CTNNAL1: variants seen among roughly 807,000 people sequenced by gnomAD.
The protein encoded by CTNNAL1 is alpha-catulin.
In CTNNAL1, 69 loss-of-function variants were observed where a neutral mutation model predicts 93.6. The ratio of observed to expected loss-of-function variants is 0.74; its 90% CI spans 0.61 to 0.90. CTNNAL1 has a LOEUF of 0.90. Among genes scored for constraint, CTNNAL1 ranks in the 40% least tolerant of loss-of-function variants. CTNNAL1 has a pLI of 0.00. For missense variants in CTNNAL1, 836 were observed against 862.0 expected (o/e 0.97, Z 0.38); for synonymous variants, 286 against 305.4 (o/e 0.94, Z 0.66).
At chr9:108,972,864 G>GGGGGGGGGGGCCCCCCCCCCC in intron 8 of CTNNAL1, 31 bp from the exon 9 acceptor site, 22 of 142,408 alleles carry the variant, frequency 1.5e-4, no homozygotes, top group Non-Finnish European at 1.8e-4. Context: ...GGGGGGGTGG[G>GGGGGGGGGGGCCCCCCCCCCC]AGGGTGGAGA....
At chr9:108,944,622 A>G (rs997521828) in intron 15 of CTNNAL1, among the ~76,000 whole-genome samples, 9 of 152,346 alleles carry the variant, frequency 5.9e-5, no homozygotes, top group Admixed American at 6.5e-5. Flanking sequence ...CAGGTAAGAC[A>G]GAAGTATTTA....
chr9:108,988,287 T>C (rs1831677298), intron 4 of CTNNAL1, among the ~76,000 whole-genome samples: 1 of 152,134 alleles, frequency 6.6e-6, no homozygotes, highest in African/African-American at 2.4e-5. Context: ...TTTCATCATG[T>C]TGGCCAGGCT....
At chr9:108,958,082 A>AAC (rs199747103) in intron 11 of CTNNAL1, among the ~76,000 whole-genome samples, 8 of 151,264 alleles carry the variant, frequency 5.3e-5, no homozygotes, top group African/African-American at 1.9e-4. Flanking sequence ...AAAAAAAAAA[A>AAC]AACAAAGTGG....
In CTNNAL1 at chr9:108,942,809, A is replaced by T. The variant is rs1489847205; in HGVS notation, c.2165T>A (p.Val722Asp). ...CATAGTGTCCTTATTTGTAACTGAG[A>T]CCCATCCGTTATTTTCCATCTGAAG... is the stretch of plus-strand genomic sequence containing the variant. ...KKLQMENNGW[V>D]SVTNKDTMDS... Residue 722 changes from valine (V) to aspartate (D), a missense_variant, in exon 19 of 19, where the codon GTC becomes GAC. Val to Asp is a radical substitution (Grantham distance 152, BLOSUM62 -3). Coordinates refer to ENST00000325551, the MANE Select transcript of CTNNAL1 (RefSeq NM_003798.4). The T allele has an allele frequency of 6.2e-7, 1 of 1,613,656 alleles. No homozygotes were observed. Among genetic ancestry groups the T allele is most frequent in the African/African-American group, 1.3e-5 (1 of 75,032 alleles).
At chr9:108,964,910 T>G (rs961101388) in intron 11 of CTNNAL1, among the ~76,000 whole-genome samples, 1 of 152,092 alleles carries the variant, frequency 6.6e-6, no homozygotes, top group Non-Finnish European at 1.5e-5. Flanking sequence ...TCGCCCAGGC[T>G]GGACTGCAGT....
chr9:108,970,327 A>G, intron 10 of CTNNAL1, 75 bp downstream of exon 10: 1 of 1,319,872 alleles, frequency 7.6e-7, no homozygotes, highest in Non-Finnish European at 1.0e-6. Flanking sequence ...AACCATTTAT[A>G]CCTTCCATCC....
intron 17 of CTNNAL1, 91 bp downstream of exon 17, chr9:108,943,612 C>A: frequency 9.5e-7 from 1 of 1,048,148 alleles, no homozygotes; most frequent in Admixed American, 2.9e-5. Flanking sequence ...ATAAATTGCC[C>A]TTCTGTGGGT....
chr9:109,011,586 C>A (rs1379257246), intron 1 of CTNNAL1, among the ~76,000 whole-genome samples: 2 of 152,138 alleles, frequency 1.3e-5, no homozygotes, highest in Non-Finnish European at 2.9e-5. Flanking sequence ...CTTGTTTTTC[C>A]ACTATGTACC....
Position 108,979,486 on chromosome 9 carries a change from G to A in CTNNAL1, c.901-5C>T. On this transcript the variant is annotated splice_region_variant and splice_polypyrimidine_tract_variant and intron_variant, in intron 6 of 18. Transcript: ENST00000325551. ...CCGAAGAGCTTCAATATTCATCTGA[G>A]AACAAAAAGGACATCTATCCATCCA... The A allele has an allele frequency of 6.2e-7, 1 of 1,612,720 alleles. No homozygotes were observed. Among genetic ancestry groups the A allele is most frequent in the Non-Finnish European group, 8.5e-7 (1 of 1,179,432 alleles).
intron 1 of CTNNAL1, 48 bp downstream of exon 1, chr9:109,013,254 G>C: frequency 1.4e-6 from 2 of 1,429,596 alleles, no homozygotes; most frequent in South Asian, 2.9e-5. Context: ...CCGCCATCGC[G>C]GGCCGCGGCG....
intron 15 of CTNNAL1, among the ~76,000 whole-genome samples, chr9:108,945,617 A>C: frequency 7.5e-6 from 1 of 133,722 alleles, no homozygotes. Context: ...GTGTGCCACC[A>C]TGCCCCGCTA....
chr9:109,005,070 C>T (rs1326591154), intron 1 of CTNNAL1, among the ~76,000 whole-genome samples: 1 of 152,032 alleles, frequency 6.6e-6, no homozygotes, highest in Non-Finnish European at 1.5e-5. Context: ...TGGAGGTTTA[C>T]AATCTTTCCT....
chr9:108,991,994 C>T, intron 3 of CTNNAL1: 1 of 735,496 alleles, frequency 1.4e-6, no homozygotes, highest in Non-Finnish European at 2.5e-6. Context: ...ACTCTGAGTA[C>T]AGAAATTTTG....
chr9:108,972,864 G>GGGGGGCGCCCCCCCC, intron 8 of CTNNAL1, 31 bp from the exon 9 acceptor site: 8 of 142,500 alleles, frequency 5.6e-5, no homozygotes, highest in Non-Finnish European at 8.1e-5. Flanking sequence ...GGGGGGGTGG[G>GGGGGGCGCCCCCCCC]AGGGTGGAGA....
At position 108,972,753 on chromosome 9, in the gene CTNNAL1, A is replaced by G. The variant is rs1309655138; in HGVS notation, c.1269T>C (p.Leu423=). 6.4e-7 allele frequency: 1 copy of G among 1,551,642 alleles called. No individual in the cohort carries two copies. Among genetic ancestry groups the G allele is most frequent in the East Asian group, 2.5e-5 (1 of 39,468 alleles). ...CTTCTAAATTTCCTTCTACTCCAGT[A>G]AGTTTTAATGCTTTTAGAACCACAT... is the stretch of plus-strand genomic sequence containing the variant. ...ADHVVLKALK[L]TGVEGNLEAL... is the part of the protein sequence containing the mutation. The change falls in exon 9 of 19, where the codon CTT becomes CTC. Residue 423 remains leucine (L), a synonymous_variant. Transcript: ENST00000325551.
At chr9:109,001,933 G>A (rs1826843239) in intron 1 of CTNNAL1, among the ~76,000 whole-genome samples, 1 of 152,178 alleles carries the variant, frequency 6.6e-6, no homozygotes, top group South Asian at 2.1e-4. Flanking sequence ...AGATTTTGGT[G>A]CCTGGATCTG....
chr9:108,977,627 C>T (rs561929544), intron 7 of CTNNAL1, among the ~76,000 whole-genome samples: 2 of 152,300 alleles, frequency 1.3e-5, no homozygotes, highest in South Asian at 2.1e-4. Context: ...ATCTTCCCCA[C>T]TAGGCCACGA....
chr9:109,011,538 G>A (rs1389852969), intron 1 of CTNNAL1, among the ~76,000 whole-genome samples: 1 of 152,178 alleles, frequency 6.6e-6, no homozygotes, highest in Non-Finnish European at 1.5e-5. Flanking sequence ...AGTGGATACT[G>A]TGAAAAGTTG....
intron 4 of CTNNAL1, among the ~76,000 whole-genome samples, chr9:108,987,690 C>A (rs1466453053): frequency 6.6e-6 from 1 of 152,060 alleles, no homozygotes; most frequent in Non-Finnish European, 1.5e-5. Flanking sequence ...TTGTTTGTAT[C>A]CTCTTTTATT....
Sources: allele counts gnomAD v4.1 joint callset (sites outside exome capture counted in the v4.1 genomes callset), GRCh38; gene constraint gnomAD v4.1.1; transcripts MANE v1.5; gene names NCBI Gene and HGNC (gene_info 2026-07-23, HGNC 2026-07-21).